Variants in SLC4A4 observed in about 807,000 individuals in gnomAD.
The protein encoded by SLC4A4 is solute carrier family 4 member 4.
SLC4A4 carries 27 observed loss-of-function variants against 111.5 expected under a neutral mutation model. That is an observed-to-expected ratio of 0.24 (90% CI 0.18 to 0.33). The LOEUF (loss-of-function observed/expected upper bound fraction) is 0.33, where lower values mean the gene tolerates loss of function less well. Among genes scored for constraint, SLC4A4 ranks in the 10% least tolerant of loss-of-function variants. SLC4A4 has a pLI of 1.00. For synonymous variants in SLC4A4, 443 were observed against 463.4 expected (o/e 0.96, Z 0.57); for missense variants, 909 against 1,315.5 (o/e 0.69, Z 4.78).
intron 2 of SLC4A4, among the ~76,000 whole-genome samples, chr4:71,254,709 C>A (rs1721314232): frequency 6.6e-6 from 1 of 151,532 alleles, no homozygotes; most frequent in Non-Finnish European, 1.5e-5. Context: ...ACTTTTTGAA[C>A]TTTGATAAAT....
intron 7 of SLC4A4, among the ~76,000 whole-genome samples, chr4:71,409,372 G>A (rs1309301530): frequency 6.6e-6 from 1 of 152,226 alleles, no homozygotes; most frequent in Admixed American, 6.5e-5. Context: ...ATAAGGTTCA[G>A]GCTGAGGTGG....
At chr4:71,225,980 AT>A (rs1719023739) in intron 1 of SLC4A4, among the ~76,000 whole-genome samples, 1 of 152,254 alleles carries the variant, frequency 6.6e-6, no homozygotes, top group African/African-American at 2.4e-5. Flanking sequence ...CTTAAGGCTT[AT>A]ATTGACATTT....
intron 1 of SLC4A4, among the ~76,000 whole-genome samples, chr4:71,211,805 T>C (rs534414826): frequency 1.1e-4 from 17 of 150,936 alleles, no homozygotes; most frequent in African/African-American, 4.2e-4. Flanking sequence ...TGTGAACAGC[T>C]TATAATGCTT....
intron 3 of SLC4A4, chr4:71,301,126 G>C (rs918515029): frequency 2.5e-5 from 9 of 361,458 alleles, no homozygotes; most frequent in Non-Finnish European, 5.0e-5. Flanking sequence ...CACAGTGCCA[G>C]CATGGGGGAT....
intron 2 of SLC4A4, among the ~76,000 whole-genome samples, chr4:71,243,414 T>C (rs1267066957): frequency 1.3e-5 from 2 of 152,180 alleles, no homozygotes; most frequent in Non-Finnish European, 2.9e-5. Context: ...TAGAAATCAT[T>C]GGGAGAACTG....
At chr4:71,446,838 C>T (rs1173048309) in intron 8 of SLC4A4, among the ~76,000 whole-genome samples, 1 of 152,162 alleles carries the variant, frequency 6.6e-6, no homozygotes, top group African/African-American at 2.4e-5. Flanking sequence ...CTCATTTACT[C>T]ATCAGATCCC....
At chr4:71,121,337 C>T (rs966030421) in intron 2 of SLC4A4, among the ~76,000 whole-genome samples, 6 of 152,194 alleles carry the variant, frequency 3.9e-5, no homozygotes, top group East Asian at 3.9e-4. Context: ...AGGTGCACGG[C>T]GCTGGACTGA....
upstream of SLC4A4, among the ~76,000 whole-genome samples, chr4:71,185,310 C>T (rs993014160): frequency 1.3e-5 from 2 of 152,240 alleles, no homozygotes; most frequent in South Asian, 2.1e-4. Context: ...ACAAAAGTGA[C>T]TTCCCTTTGC....
chr4:71,468,739 A>AC (rs566412367), intron 13 of SLC4A4, among the ~76,000 whole-genome samples: 183 of 151,438 alleles, frequency 1.2e-3, no homozygotes, highest in African/African-American at 4.3e-3. Flanking sequence ...CTCCATGAAA[A>AC]AAAAAAACCT....
At chr4:71,430,039 C>T (rs1057281692) in intron 7 of SLC4A4, among the ~76,000 whole-genome samples, 3 of 151,948 alleles carry the variant, frequency 2.0e-5, no homozygotes, top group Non-Finnish European at 4.4e-5. Context: ...TGTTATTGTA[C>T]TTGGAAAAGA....
chr4:71,381,586 A>G (rs1021952972), intron 6 of SLC4A4, among the ~76,000 whole-genome samples: 1 of 152,154 alleles, frequency 6.6e-6, no homozygotes, highest in East Asian at 1.9e-4. Context: ...GGAGTATACT[A>G]ATTCATTCAG....
At chr4:71,292,763 G>C (rs1040099612) in intron 3 of SLC4A4, among the ~76,000 whole-genome samples, 4 of 150,742 alleles carry the variant, frequency 2.7e-5, no homozygotes, top group Admixed American at 2.6e-4. Context: ...AGGTACAAAC[G>C]AAAGAGGAAA....
At chr4:71,541,282 C>T (rs185991288) in intron 18 of SLC4A4, among the ~76,000 whole-genome samples, 14 of 152,080 alleles carry the variant, frequency 9.2e-5, no homozygotes, top group Non-Finnish European at 1.5e-4. Flanking sequence ...AAGATTCATT[C>T]GTGAGGAGAG....
At chr4:71,146,511 T>C (rs1463463980) in intron 2 of SLC4A4, among the ~76,000 whole-genome samples, 1 of 152,176 alleles carries the variant, frequency 6.6e-6, no homozygotes, top group East Asian at 1.9e-4. Flanking sequence ...CTTGTTAACT[T>C]TCTGTCTCGT....
chr4:71,472,281 A>G (rs1435041152), intron 13 of SLC4A4, among the ~76,000 whole-genome samples: 2 of 151,898 alleles, frequency 1.3e-5, no homozygotes, highest in African/African-American at 2.4e-5. Context: ...GTAGACCGTG[A>G]TGACATAGGG....
chr4:71,283,835 G>A (rs942724214), intron 3 of SLC4A4, among the ~76,000 whole-genome samples: 1 of 152,174 alleles, frequency 6.6e-6, no homozygotes, highest in African/African-American at 2.4e-5. Context: ...CTGGTCCATG[G>A]TGTCATCCTT....
At chr4:71,525,792 A>T (rs549757675) in intron 16 of SLC4A4, among the ~76,000 whole-genome samples, 2 of 152,240 alleles carry the variant, frequency 1.3e-5, no homozygotes, top group African/African-American at 4.8e-5. Flanking sequence ...TGACTTTCTA[A>T]TTTGATATCT....
At chr4:71,561,612 A>G (rs137996719) in intron 23 of SLC4A4, among the ~76,000 whole-genome samples, 57 of 151,954 alleles carry the variant, frequency 3.8e-4, no homozygotes, top group African/African-American at 1.2e-3. Flanking sequence ...AAAAGAGGTG[A>G]AAAGAGCTTT....
chr4:71,103,894 T>A (rs1742835861), intron 2 of SLC4A4, among the ~76,000 whole-genome samples: 1 of 131,202 alleles, frequency 7.6e-6, no homozygotes, highest in African/African-American at 2.9e-5. Flanking sequence ...ATTCAAAAGC[T>A]AGCAGAAGGC....
Sources: gnomAD v4.1 joint callset for allele counts (sites outside exome capture counted in the v4.1 genomes callset) on GRCh38, gnomAD v4.1.1 for gene constraint, MANE v1.5 for transcripts, NCBI Gene and HGNC (gene_info 2026-07-23, HGNC 2026-07-21) for gene names.